Variants in RAPH1 observed in about 807,000 individuals in gnomAD.
RAPH1 encodes the protein ras-associated and pleckstrin homology domains-containing protein 1.
In RAPH1, 18 loss-of-function variants were observed where a neutral mutation model predicts 88.1. That is an observed-to-expected ratio of 0.20 (90% confidence interval 0.14 to 0.30). The LOEUF is 0.30. Among genes scored for constraint, RAPH1 ranks in the 10% least tolerant of loss-of-function variants. The probability of loss-of-function intolerance (pLI) is 1.00; values close to 1 mark genes in which losing one functional copy is unlikely to be tolerated. For missense variants in RAPH1, 1,448 were observed against 1,543.2 expected (o/e 0.94, Z 1.03); for synonymous variants, 587 against 559.0 (o/e 1.05, Z -0.71).
chr2:203,506,856 C>CTATCTATATATA (rs1689085395), intron 1 of RAPH1, among the ~76,000 whole-genome samples: 1 of 30,776 alleles, frequency 3.2e-5, no homozygotes, highest in East Asian at 6.7e-4. Flanking sequence ...CTATCTATAT[C>CTATCTATATATA]TATATATATA....
At chr2:203,465,561 A>G (rs1027475885) in intron 4 of RAPH1, among the ~76,000 whole-genome samples, 20 of 152,258 alleles carry the variant, frequency 1.3e-4, no homozygotes, top group Non-Finnish European at 2.8e-4. Flanking sequence ...TGGTGGATAC[A>G]TGTTATCACA....
rs1420676676 is a variant in RAPH1 at position 203,434,688 on chromosome 2, G to T, written c.*4749C>A. 2 of 152,310 alleles carry T rather than the reference G, an allele frequency of 1.3e-5. No individual in the cohort carries two copies. The highest frequency in any genetic ancestry group is 2.9e-5 in the Non-Finnish European group (2 of 68,004). The allele number at this position is 152,310 out of a possible 1,614,324, so 9.4% of individuals were successfully genotyped here. On this transcript the variant is annotated 3_prime_UTR_variant, in exon 14 of 14. Transcript: ENST00000319170. ...AAATATAAGGGTTTCTCCCCCTTTA[G>T]TGCTGCAGACAAGTTTTACTGCCTA...
At chr2:203,452,337 T>A (rs1203324874) in intron 10 of RAPH1, among the ~76,000 whole-genome samples, 1 of 152,196 alleles carries the variant, frequency 6.6e-6, no homozygotes, top group Non-Finnish European at 1.5e-5. Context: ...CCTTAGAAGA[T>A]GAAATTACCA....
At chr2:203,511,416 A>G (rs1689336319) in intron 1 of RAPH1, among the ~76,000 whole-genome samples, 1 of 152,232 alleles carries the variant, frequency 6.6e-6, no homozygotes, top group African/African-American at 2.4e-5. Flanking sequence ...CTTTAGCTTC[A>G]GAAGAGTATT....
At chr2:203,517,415 T>G (rs1166005024) in intron 1 of RAPH1, among the ~76,000 whole-genome samples, 1 of 135,948 alleles carries the variant, frequency 7.4e-6, no homozygotes, top group Non-Finnish European at 1.6e-5. Flanking sequence ...TCCACTATCA[T>G]AGCTGGAGAC....
chr2:203,534,524 C>CA (rs1468236891), intron 1 of RAPH1, among the ~76,000 whole-genome samples: 9 of 104,146 alleles, frequency 8.6e-5, no homozygotes, highest in Non-Finnish European at 1.4e-4. Context: ...CCCCCCCCCC[C>CA]ATGAATTGCA....
At chr2:203,475,951 A>G (rs1687416673) in intron 4 of RAPH1, among the ~76,000 whole-genome samples, 1 of 152,138 alleles carries the variant, frequency 6.6e-6, no homozygotes, top group South Asian at 2.1e-4. Context: ...TTACATTCAT[A>G]TAAAAAAGTA....
intron 2 of RAPH1, 88 bp downstream of exon 2, chr2:203,495,146 A>G: frequency 2.1e-6 from 3 of 1,429,772 alleles, no homozygotes; most frequent in Non-Finnish European, 2.9e-6. Flanking sequence ...TTTAAAATTT[A>G]ACTTATATCC....
intron 1 of RAPH1, among the ~76,000 whole-genome samples, chr2:203,496,344 G>C (rs1160204686): frequency 6.7e-6 from 1 of 149,752 alleles, no homozygotes; most frequent in Non-Finnish European, 1.5e-5. Flanking sequence ...GGCAACAAGA[G>C]TGAAACTCCG....
At chr2:203,511,831 G>T (rs1689353445) in intron 1 of RAPH1, among the ~76,000 whole-genome samples, 1 of 152,090 alleles carries the variant, frequency 6.6e-6, no homozygotes, top group South Asian at 2.1e-4. Flanking sequence ...TTAAGAATCG[G>T]CCAGGCACGG....
intron 4 of RAPH1, among the ~76,000 whole-genome samples, chr2:203,464,531 A>G (rs1474291874): frequency 6.6e-6 from 1 of 152,260 alleles, no homozygotes; most frequent in Non-Finnish European, 1.5e-5. Context: ...TAGACCTCCC[A>G]AAGTGCTGGG....
At chr2:203,482,978 T>A (rs1687797221) in intron 4 of RAPH1, among the ~76,000 whole-genome samples, 1 of 152,126 alleles carries the variant, frequency 6.6e-6, no homozygotes, top group South Asian at 2.1e-4. Context: ...GAAAGGCGTC[T>A]GGGCAGGGTT....
At chr2:203,482,086 T>TG (rs1211372164) in intron 4 of RAPH1, among the ~76,000 whole-genome samples, 9 of 152,164 alleles carry the variant, frequency 5.9e-5, no homozygotes, top group East Asian at 1.9e-4. Flanking sequence ...CAGTGATTAT[T>TG]GGGGGGGTTT....
At chr2:203,506,762 A>ATATATATATC (rs1559494196) in intron 1 of RAPH1, among the ~76,000 whole-genome samples, 3 of 127,090 alleles carry the variant, frequency 2.4e-5, no homozygotes, top group Admixed American at 7.9e-5. Context: ...ATATATCTAT[A>ATATATATATC]TATATATCTA....
rs146819025 is a variant in RAPH1 at position 203,498,433 on chromosome 2, T to C, written c.1-3080A>G. Among the ~76,000 whole-genome samples the C allele has an allele frequency of 7.8e-4, 118 of 152,252 alleles. 1 individual carries two copies. The highest frequency in any genetic ancestry group is 3.4e-3 in the Middle Eastern group (1 of 294). On this transcript the variant is annotated intron_variant, in intron 1 of 13. Coordinates refer to ENST00000319170, the MANE Select transcript of RAPH1 (RefSeq NM_213589.3). ...AAAGAGAACAGGGAGAGAACATTAG[T>C]CATAAGCCTCCACGAACCATTGTGA...
chr2:203,475,178 C>A (rs747972907), intron 4 of RAPH1, among the ~76,000 whole-genome samples: 2 of 152,096 alleles, frequency 1.3e-5, no homozygotes, highest in Non-Finnish European at 2.9e-5. Flanking sequence ...GAGGCCGAGG[C>A]GGGAGGATCA....
chr2:203,486,554 A>G (rs1221918012), intron 4 of RAPH1, among the ~76,000 whole-genome samples: 1 of 152,246 alleles, frequency 6.6e-6, no homozygotes, highest in Non-Finnish European at 1.5e-5. Flanking sequence ...AAAGAGGTAA[A>G]GTCCCTAAGA....
rs1553630478 is a variant in RAPH1 at position 203,506,822 on chromosome 2, A to ATATATATATC, written c.1-11479_1-11470dup. On this transcript the variant is annotated intron_variant, in intron 1 of 13. Transcript: ENST00000319170. ...TATATATATCTATATCTATATATCT[A>ATATATATATC]TATATATATCTATATCTATATATCT... 7.2e-4 allele frequency among the ~76,000 whole-genome samples: 48 copies of ATATATATATC among 66,662 alleles called. 4 individuals are homozygous for ATATATATATC. The highest frequency in any genetic ancestry group is 2.5e-3 in the East Asian group (9 of 3,662). 43.7% of individuals were successfully genotyped at this position (66,662 alleles called of 152,430 possible).
At chr2:203,451,417 T>A (rs929801645) in intron 10 of RAPH1, among the ~76,000 whole-genome samples, 6 of 152,174 alleles carry the variant, frequency 3.9e-5, no homozygotes, top group African/African-American at 7.2e-5. Flanking sequence ...ACCCATGCAA[T>A]CTCATCCCAG....
Sources: allele counts gnomAD v4.1 joint callset (sites outside exome capture counted in the v4.1 genomes callset), GRCh38; gene constraint gnomAD v4.1.1; transcripts MANE v1.5; gene names NCBI Gene and HGNC (gene_info 2026-07-23, HGNC 2026-07-21).